MYO9A: variants seen among roughly 807,000 people sequenced by gnomAD.
The protein encoded by MYO9A is myosin IXA, also known as unconventional myosin-IXa.
A neutral mutation model predicts 293.3 loss-of-function variants in MYO9A; 103 were observed. The ratio of observed to expected loss-of-function variants is 0.35; its 90% CI spans 0.30 to 0.41. The LOEUF (loss-of-function observed/expected upper bound fraction) is 0.41, where lower values mean the gene tolerates loss of function less well. MYO9A is among the 10% of genes least tolerant of loss of function. MYO9A has a pLI of 1.00. For missense variants in MYO9A, 2,685 were observed against 3,033.0 expected, an observed-to-expected ratio of 0.89 and a Z score of 2.69; for synonymous variants, 1,001 against 1,035.7, an observed-to-expected ratio of 0.97 and a Z score of 0.64.
intron 17 of MYO9A, among the ~76,000 whole-genome samples, chr15:71,934,591 ACTTTTTTTC>A (rs2058573326): frequency 6.6e-6 from 1 of 150,994 alleles, no homozygotes; most frequent in Non-Finnish European, 1.5e-5. Flanking sequence ...ATAACTAATA[ACTTTTTTTC>A]CTTTTTTTTT....
At chr15:72,034,697 T>C (rs2077988225) in intron 2 of MYO9A, among the ~76,000 whole-genome samples, 1 of 152,222 alleles carries the variant, frequency 6.6e-6, no homozygotes, top group South Asian at 2.1e-4. Flanking sequence ...AACATACATT[T>C]CATCAAAGAA....
rs1380884445 is a variant in MYO9A at position 71,914,081 on chromosome 15, G to A, written c.2685+2289C>T. Among the ~76,000 whole-genome samples the A allele has an allele frequency of 2.0e-5, 3 of 152,064 alleles. No individual in the cohort carries two copies. The East Asian group carries it at 5.8e-4, about 29-fold the overall frequency. The stretch of plus-strand genomic sequence containing the variant: ...AAGGAGACCCCTCAGCAGATCTCTA[G>A]CTCTTTCTCTTCATACAATTTCCTT... On this transcript the variant is annotated intron_variant, in intron 19 of 41. Coordinates refer to ENST00000356056, the MANE Select transcript of MYO9A (RefSeq NM_006901.4).
intron 11 of MYO9A, among the ~76,000 whole-genome samples, chr15:71,984,113 C>T (rs2076348772): frequency 6.6e-6 from 1 of 152,124 alleles, no homozygotes; most frequent in South Asian, 2.1e-4. Flanking sequence ...TTTGCCTAGG[C>T]TGGTGATATG....
At chr15:71,833,690 A>C (rs955767696) in intron 39 of MYO9A, among the ~76,000 whole-genome samples, 1 of 152,094 alleles carries the variant, frequency 6.6e-6, no homozygotes, top group African/African-American at 2.4e-5. Context: ...AATTTATCTG[A>C]CCGTTAAAGT....
At chr15:71,924,918 CAA>C (rs1165713559) in intron 18 of MYO9A, among the ~76,000 whole-genome samples, 1 of 134,948 alleles carries the variant, frequency 7.4e-6, no homozygotes. Context: ...AACTTAGTCT[CAA>C]AAAAAAAAGA....
At chr15:71,837,235 G>C (rs1408490704) in intron 39 of MYO9A, among the ~76,000 whole-genome samples, 1 of 151,926 alleles carries the variant, frequency 6.6e-6, no homozygotes, top group Non-Finnish European at 1.5e-5. Flanking sequence ...AGGGCATTCA[G>C]GCTAACTCCT....
chr15:72,039,472 A>C (rs1170556567), intron 2 of MYO9A, among the ~76,000 whole-genome samples: 1 of 151,742 alleles, frequency 6.6e-6, no homozygotes, highest in Non-Finnish European at 1.5e-5. Context: ...TTAGGTTTCC[A>C]AAAAAAACCA....
chr15:72,024,936 C>T (rs1373245158), intron 4 of MYO9A, among the ~76,000 whole-genome samples: 1 of 151,954 alleles, frequency 6.6e-6, no homozygotes, highest in Non-Finnish European at 1.5e-5. Context: ...AATCGTAACA[C>T]ATATGGAGAA....
chr15:72,017,008 A>ATTT (rs2077360468), intron 6 of MYO9A, among the ~76,000 whole-genome samples: 1 of 127,996 alleles, frequency 7.8e-6, no homozygotes, highest in South Asian at 2.5e-4. Context: ...CAGAGCCCAA[A>ATTT]TCTTTTTTTT....
At position 71,932,495 on chromosome 15, in the gene MYO9A, G is replaced by A. The variant is rs538154008; in HGVS notation, c.2562+1175C>T. On this transcript the variant is annotated intron_variant, in intron 18 of 41. Transcript: ENST00000356056. ...GGAGCAAGCCAGATGAAAAAACTCA[G>A]GAAACGCTGGAACTCACAGTCAGTA... is the stretch of plus-strand genomic sequence containing the variant. Among the ~76,000 whole-genome samples, 3 of 151,788 alleles carry A rather than the reference G, an allele frequency of 2.0e-5. No homozygotes were observed. The South Asian group carries it at 6.3e-4, about 32-fold the overall frequency.
At chr15:71,829,439 TGGCAC>T (rs1413412223) in intron 40 of MYO9A, among the ~76,000 whole-genome samples, 1 of 151,980 alleles carries the variant, frequency 6.6e-6, no homozygotes, top group African/African-American at 2.4e-5. Flanking sequence ...GGGAGAACCA[TGGCAC>T]GTTCATATTA....
intron 1 of MYO9A, among the ~76,000 whole-genome samples, chr15:72,072,383 G>A (rs529180397): frequency 5.3e-5 from 8 of 152,154 alleles, no homozygotes; most frequent in African/African-American, 1.4e-4. Context: ...CACCCGCCTC[G>A]GCCTCCCAAA....
At chr15:72,039,760 T>C (rs762479883) in intron 2 of MYO9A, among the ~76,000 whole-genome samples, 1 of 152,016 alleles carries the variant, frequency 6.6e-6, no homozygotes, top group African/African-American at 2.4e-5. Context: ...TCCCGGCAAG[T>C]GGAGGTTGCA....
At chr15:71,836,454 A>G (rs752935548) in intron 39 of MYO9A, among the ~76,000 whole-genome samples, 1 of 152,098 alleles carries the variant, frequency 6.6e-6, no homozygotes, top group Non-Finnish European at 1.5e-5. Context: ...GTTTGGCATT[A>G]TCTACTAAAG....
At chr15:72,093,855 C>G (rs2079995006) in intron 1 of MYO9A, among the ~76,000 whole-genome samples, 2 of 89,584 alleles carry the variant, frequency 2.2e-5, no homozygotes, top group African/African-American at 5.2e-5. Context: ...CCACTGCACT[C>G]CAGCCTGGGC....
At chr15:71,867,818 ACACACAC>A (rs2056385372) in intron 32 of MYO9A, among the ~76,000 whole-genome samples, 3 of 148,576 alleles carry the variant, frequency 2.0e-5, no homozygotes, top group Non-Finnish European at 4.5e-5. Context: ...ACACACACAC[ACACACAC>A]ACACACACAC....
rs74502908 is a variant in MYO9A at position 72,093,027 on chromosome 15, C to A, written c.-72+24653G>T. 5.5e-4 allele frequency among the ~76,000 whole-genome samples: 83 copies of A among 151,622 alleles called. No individual in the cohort carries two copies. In the East Asian group the frequency reaches 0.016, roughly 29 times the overall value. Reference sequence around the variant, plus strand: ...CATTTAGAAAATACATGTGCAAAACCCACCAAGTACTGTCCCAGGAAAAAT... The same window carrying A: ...CATTTAGAAAATACATGTGCAAAACACACCAAGTACTGTCCCAGGAAAAAT... On this transcript the variant is annotated intron_variant, in intron 1 of 41. Transcript: ENST00000356056.
chr15:72,108,762 A>ATTTT (rs3028363), intron 1 of MYO9A, among the ~76,000 whole-genome samples: 9 of 139,234 alleles, frequency 6.5e-5, no homozygotes, highest in African/African-American at 8.0e-5. Flanking sequence ...TGACACATAC[A>ATTTT]TTTTTTTTTT....
intron 11 of MYO9A, among the ~76,000 whole-genome samples, chr15:71,990,089 A>ATTT (rs71133942): frequency 4.9e-5 from 7 of 143,012 alleles, no homozygotes; most frequent in Non-Finnish European, 9.1e-5. Context: ...TATATAAGCA[A>ATTT]TTTTTTTTTT....
Sources: gnomAD v4.1 joint callset for allele counts (sites outside exome capture counted in the v4.1 genomes callset) on GRCh38, gnomAD v4.1.1 for gene constraint, MANE v1.5 for transcripts, NCBI Gene and HGNC (gene_info 2026-07-23, HGNC 2026-07-21) for gene names.